The following RYR1 variants were observed in gnomAD, a reference collection of about 807,000 sequenced individuals.
RYR1 encodes ryanodine receptor 1.
A neutral mutation model predicts 583.5 loss-of-function variants in RYR1; 342 were observed. The observed-to-expected ratio is 0.59, with a 90% confidence interval of 0.54 to 0.64. RYR1 has a LOEUF of 0.64. Among genes scored for constraint, RYR1 ranks in the 30% least tolerant of loss-of-function variants. The pLI is 0.00. For missense variants in RYR1, 6,032 were observed against 6,917.2 expected (o/e 0.87, Z 4.54); for synonymous variants, 2,791 against 2,822.5 (o/e 0.99, Z 0.35).
At chr19:38,461,625 C>G (rs1252249870) in intron 20 of RYR1, among the ~76,000 whole-genome samples, 1 of 148,234 alleles carries the variant, frequency 6.7e-6, no homozygotes, top group African/African-American at 2.5e-5. Flanking sequence ...ACTTGGGAGG[C>G]TGAGATGGGA....
intron 31 of RYR1, among the ~76,000 whole-genome samples, chr19:38,480,632 A>C (rs1326732304): frequency 6.6e-6 from 1 of 152,158 alleles, no homozygotes; most frequent in East Asian, 1.9e-4. Flanking sequence ...AATATCATCA[A>C]ATATCCAGTT....
intron 96 of RYR1, among the ~76,000 whole-genome samples, chr19:38,573,924 T>C (rs1378819871): frequency 2.0e-5 from 3 of 151,906 alleles, no homozygotes; most frequent in South Asian, 4.2e-4. Context: ...GTGTGATTCT[T>C]ACTCAGGTGC....
At chr19:38,434,476 T>C (rs117379662) in intron 1 of RYR1, among the ~76,000 whole-genome samples, 1,683 of 152,256 alleles carry the variant, frequency 0.011, 15 homozygotes, top group Middle Eastern at 0.017. Flanking sequence ...TCTCCCCATC[T>C]GTCTCTTTGG....
chr19:38,469,926 C>A (rs966533982), intron 27 of RYR1, among the ~76,000 whole-genome samples: 2 of 151,684 alleles, frequency 1.3e-5, no homozygotes, highest in African/African-American at 4.9e-5. Context: ...AAAAAATTAG[C>A]AAGGTGTGTA....
intron 84 of RYR1, among the ~76,000 whole-genome samples, chr19:38,541,446 T>C (rs1282929002): frequency 1.3e-5 from 2 of 152,394 alleles, no homozygotes; most frequent in East Asian, 3.9e-4. Flanking sequence ...CTGGGTGTGG[T>C]GGCTTACACC....
chr19:38,494,851 C>G (rs575050959), intron 39 of RYR1, among the ~76,000 whole-genome samples: 31 of 142,306 alleles, frequency 2.2e-4, no homozygotes, highest in East Asian at 7.9e-4. Flanking sequence ...CCCCACCCCC[C>G]CCTTTTTTTT....
intron 89 of RYR1, among the ~76,000 whole-genome samples, chr19:38,555,332 G>A (rs182674133): frequency 6.6e-6 from 1 of 151,584 alleles, no homozygotes; most frequent in East Asian, 1.9e-4. Flanking sequence ...CATGCCTGTA[G>A]TCCTAGCTAC....
Position 38,565,723 on chromosome 19 carries a change from G to A in RYR1, c.13389G>A (p.Ala4463=), listed in dbSNP as rs1381095193. 7 of 1,431,940 alleles carry A rather than the reference G, an allele frequency of 4.9e-6. No individual in the cohort carries two copies. In the East Asian group the frequency reaches 1.8e-4, roughly 36 times the overall value. 88.7% of individuals were successfully genotyped at this position (1,431,940 alleles called of 1,614,324 possible). Residue 4463 remains alanine (A), a synonymous_variant, in exon 91 of 106, where the codon GCG becomes GCA. Transcript: ENST00000359596. The surrounding 1 kb of genome is among the most constrained non-coding windows in gnomAD (Gnocchi z 4.7). ...GGGACATGGGGGACACGACGCCTGC[G>A]GAACCGCCCACACCCGAGGGCTCTC... is the stretch of plus-strand genomic sequence containing the variant. The part of the protein sequence containing the change: ...GLGDMGDTTP[A]EPPTPEGSPI...
At chr19:38,551,959 CTTCT>C (rs1335485556) in intron 89 of RYR1, among the ~76,000 whole-genome samples, 1 of 151,976 alleles carries the variant, frequency 6.6e-6, no homozygotes, top group Non-Finnish European at 1.5e-5. Context: ...TTTTGTTTTG[CTTCT>C]TTGAGACAGG....
In RYR1 at chr19:38,537,913, A is replaced by G. The variant is rs1972043775; in HGVS notation, c.11642A>G (p.Gln3881Arg). The G allele has an allele frequency of 1.9e-6, 3 of 1,614,112 alleles. No individual in the cohort carries two copies. The highest frequency in any genetic ancestry group is 1.7e-6 in the Non-Finnish European group (2 of 1,180,026). Residue 3881 changes from glutamine to arginine, a missense_variant, in exon 84 of 106, where the codon CAA becomes CGA. Around this residue, in one of 11 missense-constraint regions of RYR1, gnomAD observed 1,493 missense variants for 1,715.5 expected, o/e 0.87. Coordinates refer to ENST00000359596, the MANE Select transcript of RYR1 (RefSeq NM_000540.3). ...EKVMADDEFTQDLFRFLQLLC... is the reference protein window; with the variant it reads ...EKVMADDEFTRDLFRFLQLLC... ...GTCATGGCGGATGATGAATTCACAC[A>G]AGACCTGTTCCGATTCCTACAATTG...
At position 38,499,970 on chromosome 19, in the gene RYR1, A is replaced by C; in HGVS notation, c.7277A>C (p.Tyr2426Ser). ...CTGGGACACGCCATCATGTCCTTCT[A>C]TGCCGCCTTGATCGACCTGCTCGGA... ...VHLGHAIMSF[Y>S]AALIDLLGRC... The change falls in exon 45 of 106, where the codon TAT becomes TCT. Residue 2426 changes from tyrosine (Y) to serine (S), a missense_variant. By Grantham distance (144) the Tyr-to-Ser change is moderately radical. Coordinates refer to ENST00000359596, the MANE Select transcript of RYR1 (RefSeq NM_000540.3). This position sits in a 1 kb window ranked among gnomAD's most constrained non-coding sequence, Gnocchi z 7.3. 6.2e-7 allele frequency: 1 copy of C among 1,614,068 alleles called. No individual in the cohort carries two copies. The highest frequency in any genetic ancestry group is 1.1e-5 in the South Asian group (1 of 91,090).
rs1034451700 is a variant in RYR1, at chr19:38,476,628, C to T, written c.4294-1082C>T. ...GATTACAGGTGTGAGCCACCGCGTT[C>T]GGCTGTAGATTCTTACAAGGAGTAC... On this transcript the variant is annotated intron_variant, in intron 29 of 105. Transcript: ENST00000359596. Among the ~76,000 whole-genome samples the T allele has an allele frequency of 3.9e-5, 6 of 152,050 alleles. No individual in the cohort carries two copies. In the South Asian group the frequency reaches 8.3e-4, roughly 21 times the overall value.
chr19:38,521,409 C>T (rs972797349), intron 67 of RYR1, among the ~76,000 whole-genome samples: 1 of 151,198 alleles, frequency 6.6e-6, no homozygotes, highest in African/African-American at 2.4e-5. Flanking sequence ...TGCAGTGGCT[C>T]GTGACTGTAA....
At chr19:38,514,895 G>A (rs1389484190) in intron 63 of RYR1, 131 bp from the exon 64 acceptor site, 1 of 705,072 alleles carries the variant, frequency 1.4e-6, no homozygotes, top group African/African-American at 1.7e-5. Flanking sequence ...CACAAGACTC[G>A]TACATGGAAG....
chr19:38,577,809 C>T (rs544390808), intron 97 of RYR1, 109 bp from the exon 98 acceptor site: 8 of 1,445,836 alleles, frequency 5.5e-6, no homozygotes, highest in Non-Finnish European at 7.6e-6. Context: ...AAAAAATGCA[C>T]CTCCCATTTC....
rs1275784627 is a variant in RYR1 at position 38,530,984 on chromosome 19, T to C, written c.11142-1506T>C. Among the ~76,000 whole-genome samples, 5 of 138,172 alleles carry C rather than the reference T, an allele frequency of 3.6e-5. 1 individual carries two copies. The highest frequency in any genetic ancestry group is 7.3e-5 in the Admixed American group (1 of 13,664). 90.6% of individuals were successfully genotyped at this position (138,172 alleles called of 152,430 possible). On this transcript the variant is annotated intron_variant, in intron 76 of 105. Transcript: ENST00000359596. ...TGCCCAGCTATTTTTCTTTTTTCTT[T>C]CTCTTTTTTTTTTTTTTTTTTGTAT... is the stretch of plus-strand genomic sequence containing the variant.
At position 38,516,087 on chromosome 19, in the gene RYR1, G is replaced by C. The variant is rs201080180; in HGVS notation, c.9555G>C (p.Lys3185Asn). Residue 3185 changes from lysine (K) to asparagine (N), a missense_variant and splice_region_variant, in exon 65 of 106, where the codon AAG (lysine) becomes AAC (asparagine). Lys to Asn is a moderately conservative substitution (Grantham distance 94, BLOSUM62 0). Transcript: ENST00000359596. ...AGCTAAACACAGCCCCGTCTTCCAGGCTTCGGCCAGCCCTCGGGGAGTGCC... is the reference window on the plus strand; with the variant it reads ...AGCTAAACACAGCCCCGTCTTCCAGCCTTCGGCCAGCCCTCGGGGAGTGCC... Reference protein sequence around the residue: ...LGTTKNTYVEKLRPALGECLA... With the variant: ...LGTTKNTYVENLRPALGECLA... 572 of 1,548,164 alleles carry C rather than the reference G, an allele frequency of 3.7e-4. 2 individuals carry two copies. The highest frequency in any genetic ancestry group is 4.5e-4 in the Non-Finnish European group (521 of 1,146,190).
chr19:38,572,923 C>G (rs1973786581), intron 95 of RYR1, among the ~76,000 whole-genome samples: 1 of 150,540 alleles, frequency 6.6e-6, no homozygotes. Flanking sequence ...CCTGACCCCT[C>G]TATCTATGCA....
chr19:38,443,578 C>T lies in RYR1; in HGVS notation c.291C>T (p.His97=), dbSNP rs778766215. ...AGVESSQGGG[H]RTLLYGHAIL... is the part of the protein sequence containing the mutation. The stretch of plus-strand genomic sequence containing the variant: ...TGCAGTCATCCCAGGGCGGGGGACA[C>T]AGGACGCTCCTGTATGGCCATGCCA... The change falls in exon 4 of 106, where the codon CAC becomes CAT. Residue 97 remains histidine, a synonymous_variant. Coordinates refer to ENST00000359596, the MANE Select transcript of RYR1 (RefSeq NM_000540.3). 1 of 1,614,076 alleles carries T rather than the reference C, an allele frequency of 6.2e-7. No homozygotes were observed.
Sources: allele counts gnomAD v4.1 joint callset (sites outside exome capture counted in the v4.1 genomes callset), GRCh38; gene constraint gnomAD v4.1.1; regional missense constraint gnomAD v4.1.1; non-coding constraint Gnocchi (gnomAD v3.1); transcripts MANE v1.5; gene names NCBI Gene and HGNC (gene_info 2026-07-23, HGNC 2026-07-21).